BCL2L1: variants seen among roughly 807,000 people sequenced by gnomAD.
BCL2L1 encodes bcl-2-like protein 1.
BCL2L1 carries 1 observed loss-of-function variant against 18.7 expected under a neutral mutation model. The ratio of observed to expected loss-of-function variants is 0.05; its 90% CI spans 0.02 to 0.25. The LOEUF is 0.25. BCL2L1 is among the 10% of genes least tolerant of loss of function. The probability of loss-of-function intolerance (pLI) is 1.00; values close to 1 mark genes in which losing one functional copy is unlikely to be tolerated. For synonymous variants in BCL2L1, 103 were observed against 122.7 expected, an observed-to-expected ratio of 0.84 and a Z score of 1.06; for missense variants, 207 against 304.9, an observed-to-expected ratio of 0.68 and a Z score of 2.39.
chr20:31,723,350 G>A (rs991751553), upstream of BCL2L1: 5 of 985,374 alleles, frequency 5.1e-6, no homozygotes, highest in African/African-American at 8.7e-5. Context: ...CCTCTCCTCA[G>A]GTCAGGAAGA....
At chr20:31,666,926 T>C (rs1023658424) in intron 2 of BCL2L1, among the ~76,000 whole-genome samples, 18 of 152,054 alleles carry the variant, frequency 1.2e-4, no homozygotes, top group African/African-American at 3.9e-4. Flanking sequence ...CAGCCCAGGG[T>C]GCAGCAGCCT....
chr20:31,666,070 A>C lies in BCL2L1; in HGVS notation c.581T>G (p.Leu194Arg). 2 of 1,614,030 alleles carry C rather than the reference A, an allele frequency of 1.2e-6. No homozygotes were observed. Among genetic ancestry groups the C allele is most frequent in the South Asian group, 2.2e-5 (2 of 91,076 alleles). ...CTCGGCTGCTGCATTGTTCCCATAGAGTTCCACAAAAGTATCCTGCAGGGA... is the reference window on the plus strand; with the variant it reads ...CTCGGCTGCTGCATTGTTCCCATAGCGTTCCACAAAAGTATCCTGCAGGGA... ...ENGGWDTFVELYGNNAAAESR... is the reference protein window; with the variant it reads ...ENGGWDTFVERYGNNAAAESR... The change falls in exon 3 of 3, where the codon CTC (leucine) becomes CGC (arginine). Residue 194 changes from leucine to arginine, a missense_variant. Coordinates refer to ENST00000307677, the MANE Select transcript of BCL2L1 (RefSeq NM_138578.3).
At chr20:31,710,112 A>G (rs2061430418) in intron 2 of BCL2L1, among the ~76,000 whole-genome samples, 2 of 152,216 alleles carry the variant, frequency 1.3e-5, no homozygotes, top group African/African-American at 4.8e-5. Flanking sequence ...CTACACAGTC[A>G]CTTATTCAAC....
intron 2 of BCL2L1, among the ~76,000 whole-genome samples, chr20:31,670,805 A>G (rs1038576240): frequency 3.9e-5 from 6 of 152,110 alleles, no homozygotes; most frequent in African/African-American, 1.2e-4. Context: ...TGGCGTGGGT[A>G]TATTTAGCCC....
intron 2 of BCL2L1, among the ~76,000 whole-genome samples, chr20:31,690,002 G>A (rs1335762889): frequency 6.6e-6 from 1 of 152,206 alleles, no homozygotes; most frequent in Non-Finnish European, 1.5e-5. Context: ...TGGGCAACAA[G>A]AGCGAAACTC....
rs532665035 is a variant in BCL2L1, at chr20:31,665,181, G to T, written c.*768C>A. 5.7e-6 allele frequency: 1 copy of T among 174,820 alleles called. No individual in the cohort carries two copies. Among genetic ancestry groups the T allele is most frequent in the East Asian group, 1.0e-4 (1 of 10,010 alleles). 10.8% of individuals were successfully genotyped at this position (174,820 alleles called of 1,614,324 possible). ...GGGGCATCTGTCTTGGGCCCAGTTGGTCCCTCAGTATGGTCATGGGAGCCA... is the reference window on the plus strand; with the variant it reads ...GGGGCATCTGTCTTGGGCCCAGTTGTTCCCTCAGTATGGTCATGGGAGCCA... On this transcript the variant is annotated 3_prime_UTR_variant, in exon 3 of 3. Coordinates refer to ENST00000307677, the MANE Select transcript of BCL2L1 (RefSeq NM_138578.3).
intron 2 of BCL2L1, among the ~76,000 whole-genome samples, chr20:31,721,285 ATC>A (rs1335964360): frequency 6.6e-6 from 1 of 152,224 alleles, no homozygotes; most frequent in Non-Finnish European, 1.5e-5. Context: ...CATTATACTC[ATC>A]ACCCCTTTGT....
chr20:31,693,458 G>A (rs995295949), intron 2 of BCL2L1, among the ~76,000 whole-genome samples: 1 of 151,958 alleles, frequency 6.6e-6, no homozygotes, highest in South Asian at 2.1e-4. Flanking sequence ...AGAAAACACA[G>A]AACTCAGGAG....
chr20:31,697,161 A>G (rs762295182), intron 2 of BCL2L1, among the ~76,000 whole-genome samples: 24 of 152,198 alleles, frequency 1.6e-4, no homozygotes, highest in Non-Finnish European at 3.2e-4. Flanking sequence ...GCTCCTTGGA[A>G]TATTACATGA....
At chr20:31,682,552 C>T (rs1262579701) in intron 2 of BCL2L1, among the ~76,000 whole-genome samples, 1 of 152,160 alleles carries the variant, frequency 6.6e-6, no homozygotes, top group Non-Finnish European at 1.5e-5. Flanking sequence ...CTCAAGCAAT[C>T]CTCCTGCCTC....
At chr20:31,723,588 C>T, upstream of BCL2L1, 6 of 985,346 alleles carry the variant, frequency 6.1e-6, no homozygotes, top group Non-Finnish European at 7.2e-6. Context: ...GGGGGCGCCC[C>T]CTAGACCTTC....
intron 2 of BCL2L1, among the ~76,000 whole-genome samples, chr20:31,695,018 G>A (rs952796650): frequency 1.3e-5 from 2 of 152,184 alleles, no homozygotes; most frequent in East Asian, 3.8e-4. Flanking sequence ...CTTATTAAAT[G>A]GCAGTAAGGA....
At chr20:31,673,068 CTTTTTTTTT>C (rs906594378) in intron 2 of BCL2L1, among the ~76,000 whole-genome samples, 2 of 118,268 alleles carry the variant, frequency 1.7e-5, no homozygotes, top group African/African-American at 6.3e-5. Context: ...GGTGTCCTTG[CTTTTTTTTT>C]TTTTTTTTTT....
chr20:31,708,767 C>T (rs897124368), intron 2 of BCL2L1, among the ~76,000 whole-genome samples: 1 of 152,190 alleles, frequency 6.6e-6, no homozygotes, highest in Admixed American at 6.5e-5. Flanking sequence ...ATTGGCCTCT[C>T]CTAGAAGATA....
chr20:31,673,699 A>G (rs893797294), intron 2 of BCL2L1, among the ~76,000 whole-genome samples: 2 of 152,180 alleles, frequency 1.3e-5, no homozygotes, highest in Non-Finnish European at 2.9e-5. Context: ...TTATTATGAC[A>G]GCTGACCATT....
Position 31,683,769 on chromosome 20 carries a change from CAAAAAAAAAAAAAAAAA to C in BCL2L1, c.565-17700_565-17684del, listed in dbSNP as rs372160646. 1.9e-3 allele frequency among the ~76,000 whole-genome samples: 150 copies of C among 80,698 alleles called. 1 individual carries two copies. The East Asian group carries it at 0.035, about 19-fold the overall frequency. The allele number at this position is 80,698 out of a possible 152,430, so 52.9% of individuals were successfully genotyped here. A position where few individuals can be genotyped will look rare whatever the true frequency, so the allele number is the denominator to read the frequency against. ...GGGCAACAAGAGTGAAACTCCATCT[CAAAAAAAAAAAAAAAAA>C]AAAAAAAAAAAAAAAAAAAAAGAAT... On this transcript the variant is annotated intron_variant, in intron 2 of 2. Transcript: ENST00000307677.
At chr20:31,704,996 A>G (rs2061349391) in intron 2 of BCL2L1, among the ~76,000 whole-genome samples, 1 of 152,232 alleles carries the variant, frequency 6.6e-6, no homozygotes, top group Non-Finnish European at 1.5e-5. Context: ...TTCAGTGGAT[A>G]GACCAAAAAC....
chr20:31,710,952 G>C (rs1377738926), intron 2 of BCL2L1, among the ~76,000 whole-genome samples: 2 of 152,198 alleles, frequency 1.3e-5, no homozygotes. Context: ...GTCTGGGCTT[G>C]TAAGAAGCAA....
chr20:31,706,043 G>A (rs973713744), intron 2 of BCL2L1, among the ~76,000 whole-genome samples: 7 of 152,126 alleles, frequency 4.6e-5, no homozygotes, highest in Non-Finnish European at 1.0e-4. Context: ...AACCCCTAGG[G>A]CTCCAACTGA....
Sources: gnomAD v4.1 joint callset for allele counts (sites outside exome capture counted in the v4.1 genomes callset) on GRCh38, gnomAD v4.1.1 for gene constraint, MANE v1.5 for transcripts, NCBI Gene and HGNC (gene_info 2026-07-23, HGNC 2026-07-21) for gene names.